The following NPHP4 variants were observed in gnomAD, a reference collection of about 807,000 sequenced individuals.
NPHP4 encodes the protein nephrocystin 4, also known as nephrocystin-4.
In NPHP4, 151 loss-of-function variants were observed where a neutral mutation model predicts 155.8. The ratio of observed to expected loss-of-function variants is 0.97; its 90% confidence interval spans 0.85 to 1.11. The LOEUF (loss-of-function observed/expected upper bound fraction) is 1.11, where lower values mean the gene tolerates loss of function less well. Ranked by LOEUF, NPHP4 falls within the 50% of genes least tolerant of loss-of-function variation. The pLI, the probability that NPHP4 is intolerant of heterozygous loss-of-function variation, is 0.00. For missense variants in NPHP4, 1,956 were observed against 1,925.7 expected (o/e 1.02, Z -0.29); for synonymous variants, 845 against 816.8 (o/e 1.03, Z -0.59).
chr1:5,899,356 G>C (rs1333144561), intron 16 of NPHP4, among the ~76,000 whole-genome samples: 2 of 152,160 alleles, frequency 1.3e-5, no homozygotes, highest in Non-Finnish European at 2.9e-5. Context: ...GCTATAGACA[G>C]AACAGGGACC....
chr1:5,933,563 G>C (rs573532106), intron 9 of NPHP4, among the ~76,000 whole-genome samples: 1 of 152,298 alleles, frequency 6.6e-6, no homozygotes, highest in African/African-American at 2.4e-5. Context: ...GACCCAGTCA[G>C]GACCCCTGCC....
At position 5,988,479 on chromosome 1, in the gene NPHP4, A is replaced by G. The variant is rs1263002741; in HGVS notation, c.-38-2152T>C. ...TGGATAATATAGTTGGTTTTTGTAA[A>G]AAATGTTTTTATGTTAACATGTCAC... On this transcript the variant is annotated intron_variant, in intron 1 of 29. Coordinates refer to ENST00000378156, the MANE Select transcript of NPHP4 (RefSeq NM_015102.5). Among the ~76,000 whole-genome samples the G allele has an allele frequency of 2.6e-5, 4 of 152,256 alleles. No homozygotes were observed. In the South Asian group the frequency reaches 8.3e-4, roughly 31 times the overall value.
In NPHP4 at chr1:5,877,327, T is replaced by A. The variant is rs192418058; in HGVS notation, c.2612-29A>T. On this transcript the variant is annotated intron_variant, in intron 19 of 29. Coordinates refer to ENST00000378156, the MANE Select transcript of NPHP4 (RefSeq NM_015102.5). Reference sequence around the variant, plus strand: ...CGAAAGGGTCAGAGCGCGAGTCAGGTAGACGTGCAGTGTCTGCCTTCCAGG... The same window carrying A: ...CGAAAGGGTCAGAGCGCGAGTCAGGAAGACGTGCAGTGTCTGCCTTCCAGG... 6 of 1,549,816 alleles carry A rather than the reference T, an allele frequency of 3.9e-6. No homozygotes were observed. The Admixed American group carries it at 8.9e-5, about 23-fold the overall frequency.
At chr1:5,909,069 T>C (rs1645048728) in intron 12 of NPHP4, 83 bp downstream of exon 12, 5 of 1,175,920 alleles carry the variant, frequency 4.3e-6, no homozygotes, top group Non-Finnish European at 5.0e-6. Context: ...AGGGATCCAC[T>C]GTGCTTAAGG....
chr1:5,901,065 T>C (rs1644656384), intron 16 of NPHP4, among the ~76,000 whole-genome samples: 1 of 151,496 alleles, frequency 6.6e-6, no homozygotes, highest in Admixed American at 6.6e-5. Context: ...CAAAAAAGAA[T>C]ATGTCACACC....
In NPHP4 at chr1:5,864,324, C is replaced by T. The variant is rs1338487367; in HGVS notation, c.3996+14G>A. 3 of 1,587,628 alleles carry T rather than the reference C, an allele frequency of 1.9e-6. No homozygotes were observed. Among genetic ancestry groups the T allele is most frequent in the Non-Finnish European group, 2.6e-6 (3 of 1,164,026 alleles). ...CCCCCATCCCCTCAGCCTGTGCCTG[C>T]CACACATACAGACCTTGGAGATGAG... On this transcript the variant is annotated intron_variant, in intron 28 of 29. Coordinates refer to ENST00000378156, the MANE Select transcript of NPHP4 (RefSeq NM_015102.5).
intron 3 of NPHP4, among the ~76,000 whole-genome samples, chr1:5,976,875 T>G (rs1449909678): frequency 6.6e-6 from 1 of 152,136 alleles, no homozygotes; most frequent in African/African-American, 2.4e-5. Flanking sequence ...GGGTGCTGAC[T>G]GGCCAGAGCA....
chr1:5,978,255 A>G lies in NPHP4; in HGVS notation c.279+15T>C, dbSNP rs1445301206. 10 of 1,599,478 alleles carry G rather than the reference A, an allele frequency of 6.3e-6. No homozygotes were observed. In the East Asian group the frequency reaches 1.4e-4, roughly 22 times the overall value. On this transcript the variant is annotated intron_variant, in intron 3 of 29. Transcript: ENST00000378156. ...CCGCCTTGGAGCAGCCCCTGCCACC[A>G]TCACCAGGGCCCACCTCATTAAAGA...
At chr1:5,913,258 G>A (rs1029428039) in intron 11 of NPHP4, among the ~76,000 whole-genome samples, 1 of 152,062 alleles carries the variant, frequency 6.6e-6, no homozygotes, top group East Asian at 1.9e-4. Flanking sequence ...CACACCTCTG[G>A]CCCAGAGCCA....
intron 6 of NPHP4, among the ~76,000 whole-genome samples, chr1:5,958,165 T>G (rs1447157561): frequency 6.6e-6 from 1 of 152,230 alleles, no homozygotes; most frequent in East Asian, 1.9e-4. Flanking sequence ...ATGAACTTCG[T>G]GGTTTTAAAA....
chr1:5,892,169 C>T lies in NPHP4; in HGVS notation c.2144-1141G>A, dbSNP rs1461343293. ...AGGTGACCAGCCACACAGCCCCCAC[C>T]CCTGCCTGGACTGTGGCATCTAGTG... On this transcript the variant is annotated intron_variant, in intron 16 of 29. Transcript: ENST00000378156. The surrounding 1 kb of genome is among the most constrained non-coding windows in gnomAD (Gnocchi z 4.5). Among the ~76,000 whole-genome samples the T allele has an allele frequency of 6.6e-6, 1 of 152,210 alleles. No homozygotes were observed. The highest frequency in any genetic ancestry group is 2.4e-5 in the African/African-American group (1 of 41,466).
chr1:5,946,780 C>T (rs955383351), intron 9 of NPHP4, among the ~76,000 whole-genome samples: 12 of 152,146 alleles, frequency 7.9e-5, no homozygotes, highest in African/African-American at 2.2e-4. Flanking sequence ...ATTATGCCTA[C>T]GTAATAAAGT....
intron 6 of NPHP4, among the ~76,000 whole-genome samples, chr1:5,956,310 G>A (rs1265764967): frequency 6.6e-6 from 1 of 152,224 alleles, no homozygotes; most frequent in Non-Finnish European, 1.5e-5. Context: ...GGGTGCACAC[G>A]CACCCCCAGG....
At chr1:5,902,411 T>C (rs1644724593) in intron 16 of NPHP4, among the ~76,000 whole-genome samples, 1 of 152,210 alleles carries the variant, frequency 6.6e-6, no homozygotes, top group Non-Finnish European at 1.5e-5. Flanking sequence ...TCCTACACCC[T>C]CTTTATCATG....
At chr1:5,979,760 C>T (rs1557883368) in intron 2 of NPHP4, among the ~76,000 whole-genome samples, 1 of 151,994 alleles carries the variant, frequency 6.6e-6, no homozygotes, top group Non-Finnish European at 1.5e-5. Context: ...GTGACCCGCC[C>T]GTCTCGGCCT....
At chr1:5,874,426 C>T (rs547155306) in intron 22 of NPHP4, 45 bp downstream of exon 22, 123 of 1,456,712 alleles carry the variant, frequency 8.4e-5, no homozygotes, top group Admixed American at 2.7e-4. Context: ...AATTTCCCAC[C>T]GTCATCAGCC....
At chr1:5,965,545 T>C (rs1009220064) in intron 5 of NPHP4, among the ~76,000 whole-genome samples, 1 of 152,178 alleles carries the variant, frequency 6.6e-6, no homozygotes, top group Non-Finnish European at 1.5e-5. Flanking sequence ...TGACTGGTTG[T>C]TCTCAGTAAA....
intron 23 of NPHP4, 113 bp downstream of exon 23, chr1:5,873,139 C>T (rs1269010359): frequency 3.2e-6 from 3 of 931,450 alleles, no homozygotes; most frequent in Non-Finnish European, 5.2e-6. Flanking sequence ...GCCACCCCTG[C>T]CCTGACCTGG....
chr1:5,870,831 G>C (rs1449327992), intron 23 of NPHP4, among the ~76,000 whole-genome samples: 1 of 152,218 alleles, frequency 6.6e-6, no homozygotes, highest in Admixed American at 6.5e-5. Flanking sequence ...GGCACGCCCT[G>C]CAGGATAACC....
Sources: allele counts gnomAD v4.1 joint callset (sites outside exome capture counted in the v4.1 genomes callset), GRCh38; gene constraint gnomAD v4.1.1; non-coding constraint Gnocchi (gnomAD v3.1); transcripts MANE v1.5; gene names NCBI Gene and HGNC (gene_info 2026-07-23, HGNC 2026-07-21).